Variants in DCC observed in about 807,000 individuals in gnomAD.
DCC encodes DCC netrin 1 receptor.
Under a neutral mutation model 172.5 loss-of-function variants are expected in DCC, and 58 were observed. The ratio of observed to expected loss-of-function variants is 0.34; its 90% confidence interval spans 0.27 to 0.42. The LOEUF (loss-of-function observed/expected upper bound fraction) is 0.42, where lower values mean the gene tolerates loss of function less well. DCC is among the 10% of genes least tolerant of loss of function. The pLI, the probability that DCC is intolerant of heterozygous loss-of-function variation, is 1.00. For synonymous variants in DCC, 709 were observed against 644.5 expected, an observed-to-expected ratio of 1.10 and a Z score of -1.52; for missense variants, 1,740 against 1,791.0, an observed-to-expected ratio of 0.97 and a Z score of 0.51.
chr18:52,811,113 T>C (rs949262645), intron 2 of DCC, among the ~76,000 whole-genome samples: 3 of 152,184 alleles, frequency 2.0e-5, no homozygotes, highest in South Asian at 2.1e-4. Context: ...AAAAAAGATA[T>C]GTTTGCTTAA....
At chr18:52,867,720 G>A (rs1398986920) in intron 2 of DCC, among the ~76,000 whole-genome samples, 1 of 152,126 alleles carries the variant, frequency 6.6e-6, no homozygotes, top group African/African-American at 2.4e-5. Context: ...TGTGGGATCA[G>A]TGGTGATATC....
chr18:52,957,138 A>G (rs2040757632), intron 5 of DCC, among the ~76,000 whole-genome samples: 1 of 152,200 alleles, frequency 6.6e-6, no homozygotes, highest in African/African-American at 2.4e-5. Context: ...TGTTCAAATT[A>G]AAAGGTTTGC....
chr18:53,169,566 G>A (rs1017276033), intron 8 of DCC, among the ~76,000 whole-genome samples: 2 of 152,148 alleles, frequency 1.3e-5, no homozygotes, highest in Non-Finnish European at 2.9e-5. Context: ...AGGGGGAAAG[G>A]AATGAAGTGG....
rs981568966 is a variant in DCC, at chr18:53,453,872, T to C, written c.3392+3210T>C. On this transcript the variant is annotated intron_variant, in intron 23 of 28. Transcript: ENST00000442544. ...AGAGCCAGGTAACAATCTTCTACTT[T>C]TAAAACATAAAAATTCCCAATGGAA... 2.6e-5 allele frequency among the ~76,000 whole-genome samples: 4 copies of C among 152,162 alleles called. No homozygotes were observed. The East Asian group carries it at 7.7e-4, about 29-fold the overall frequency.
chr18:52,510,431 A>G (rs1160853019), intron 1 of DCC, among the ~76,000 whole-genome samples: 1 of 152,092 alleles, frequency 6.6e-6, no homozygotes, highest in Non-Finnish European at 1.5e-5. Flanking sequence ...TCCCCATGAC[A>G]CTGCTTGCCT....
chr18:53,034,138 T>C (rs2042061786), intron 5 of DCC, among the ~76,000 whole-genome samples: 1 of 152,034 alleles, frequency 6.6e-6, no homozygotes, highest in Non-Finnish European at 1.5e-5. Context: ...ATACTGTCTC[T>C]GTGTTGATAG....
intron 5 of DCC, among the ~76,000 whole-genome samples, chr18:52,985,918 A>G (rs73956753): frequency 0.023 from 3,470 of 152,224 alleles, 122 homozygotes; most frequent in African/African-American, 0.076. Flanking sequence ...TAAATCATCA[A>G]TGGGACTATT....
intron 8 of DCC, among the ~76,000 whole-genome samples, chr18:53,172,680 G>A (rs1368847965): frequency 3.3e-5 from 5 of 152,022 alleles, no homozygotes; most frequent in African/African-American, 1.2e-4. Context: ...TAGAAAAGAT[G>A]CTTTGAAATG....
chr18:53,300,994 T>TTCTTTCTTTCTTTCTTTCTTTTCTTTTC (rs1555649245), intron 12 of DCC, among the ~76,000 whole-genome samples: 26 of 134,710 alleles, frequency 1.9e-4, no homozygotes, highest in African/African-American at 6.6e-4. Context: ...TCTTTCTTTT[T>TTCTTTCTTTCTTTCTTTCTTTTCTTTTC]TTTTCTTTTC....
chr18:53,317,763 A>G (rs2057360828), intron 13 of DCC, among the ~76,000 whole-genome samples: 1 of 151,994 alleles, frequency 6.6e-6, no homozygotes, highest in African/African-American at 2.4e-5. Flanking sequence ...TTTCTAGTTT[A>G]TTTGCATAGA....
intron 1 of DCC, among the ~76,000 whole-genome samples, chr18:52,609,548 T>C (rs2034205806): frequency 6.6e-6 from 1 of 152,104 alleles, no homozygotes; most frequent in Non-Finnish European, 1.5e-5. Flanking sequence ...GCCAAGATTA[T>C]TTGCTTGGCA....
intron 2 of DCC, among the ~76,000 whole-genome samples, chr18:52,758,145 G>T (rs985057763): frequency 6.6e-6 from 1 of 152,180 alleles, no homozygotes; most frequent in African/African-American, 2.4e-5. Flanking sequence ...AAGATGAGAA[G>T]ATTTTGCTAT....
chr18:53,153,302 G>A (rs1053764492), intron 7 of DCC, among the ~76,000 whole-genome samples: 1 of 152,044 alleles, frequency 6.6e-6, no homozygotes, highest in Non-Finnish European at 1.5e-5. Context: ...TTGAGTAAAT[G>A]TGCTATCTAT....
chr18:52,877,552 C>G (rs2039421825), intron 2 of DCC, among the ~76,000 whole-genome samples: 1 of 151,808 alleles, frequency 6.6e-6, no homozygotes, highest in Non-Finnish European at 1.5e-5. Flanking sequence ...ATAAAAAATA[C>G]AAAAATTAGC....
chr18:52,628,322 A>G (rs1029998498), intron 1 of DCC, among the ~76,000 whole-genome samples: 13 of 152,204 alleles, frequency 8.5e-5, no homozygotes. Context: ...TCAAGAAAAG[A>G]TTCTGCAAAC....
At chr18:52,373,850 C>A (rs1005930567) in intron 1 of DCC, among the ~76,000 whole-genome samples, 4 of 149,734 alleles carry the variant, frequency 2.7e-5, no homozygotes, top group African/African-American at 9.8e-5. Flanking sequence ...AATAAGAAAA[C>A]AATCACTTGG....
chr18:52,782,501 T>C (rs2037564992), intron 2 of DCC, among the ~76,000 whole-genome samples: 1 of 151,982 alleles, frequency 6.6e-6, no homozygotes, highest in African/African-American at 2.4e-5. Context: ...CTCTGCACAC[T>C]CTAGTGTCCC....
intron 2 of DCC, among the ~76,000 whole-genome samples, chr18:52,881,646 G>A (rs1263180017): frequency 6.6e-6 from 1 of 152,146 alleles, no homozygotes; most frequent in Non-Finnish European, 1.5e-5. Context: ...TCTGTATTCT[G>A]TTCCATTGGT....
chr18:52,986,842 A>ACACACG (rs1169758505), intron 5 of DCC, among the ~76,000 whole-genome samples: 3 of 135,684 alleles, frequency 2.2e-5, no homozygotes, highest in Admixed American at 2.1e-4. Context: ...ACATACACAC[A>ACACACG]CACACACACA....
Sources: gnomAD v4.1 joint callset for allele counts (sites outside exome capture counted in the v4.1 genomes callset) on GRCh38, gnomAD v4.1.1 for gene constraint, MANE v1.5 for transcripts, NCBI Gene and HGNC (gene_info 2026-07-23, HGNC 2026-07-21) for gene names.